Variants in SSBP2 observed in about 807,000 individuals in gnomAD.
The protein encoded by SSBP2 is single stranded DNA binding protein 2.
Under a neutral mutation model 61.8 loss-of-function variants are expected in SSBP2, and 17 were observed. That is an observed-to-expected ratio of 0.28 (90% CI 0.19 to 0.41). SSBP2 has a LOEUF of 0.41. Among genes scored for constraint, SSBP2 ranks in the 10% least tolerant of loss-of-function variants. The probability of loss-of-function intolerance (pLI) is 1.00; values close to 1 mark genes in which losing one functional copy is unlikely to be tolerated. For synonymous variants in SSBP2, 139 were observed against 141.3 expected (o/e 0.98, Z 0.12); for missense variants, 310 against 458.7 (o/e 0.68, Z 2.96).
At chr5:81,565,074 C>G (rs1773321988) in intron 4 of SSBP2, among the ~76,000 whole-genome samples, 1 of 152,190 alleles carries the variant, frequency 6.6e-6, no homozygotes, top group South Asian at 2.1e-4. Context: ...TTTATTTCTT[C>G]CTCTCAACAT....
At chr5:81,523,622 T>G (rs1347143906) in intron 4 of SSBP2, among the ~76,000 whole-genome samples, 3 of 152,060 alleles carry the variant, frequency 2.0e-5, no homozygotes, top group Non-Finnish European at 4.4e-5. Flanking sequence ...CATTGAGATA[T>G]TTTAGCATTC....
chr5:81,463,677 G>A (rs2154004081), intron 9 of SSBP2, among the ~76,000 whole-genome samples: 1 of 152,098 alleles, frequency 6.6e-6, no homozygotes, highest in Admixed American at 6.5e-5. Flanking sequence ...TCCAACCTGG[G>A]TGCAGAAGTC....
At chr5:81,725,856 CTGATAATTGT>C (rs1755847338) in intron 1 of SSBP2, among the ~76,000 whole-genome samples, 1 of 152,050 alleles carries the variant, frequency 6.6e-6, no homozygotes, top group Non-Finnish European at 1.5e-5. Context: ...CAGCTCTGAG[CTGATAATTGT>C]TGATGCTGGA....
chr5:81,541,173 A>G (rs1324816480), intron 4 of SSBP2, among the ~76,000 whole-genome samples: 1 of 152,168 alleles, frequency 6.6e-6, no homozygotes, highest in Non-Finnish European at 1.5e-5. Context: ...TACTATAGCC[A>G]CAGGAAAAAA....
intron 15 of SSBP2, among the ~76,000 whole-genome samples, chr5:81,435,392 TAAG>T (rs1762611925): frequency 1.3e-5 from 2 of 152,178 alleles, no homozygotes; most frequent in Non-Finnish European, 2.9e-5. Flanking sequence ...TGTTTGTTGT[TAAG>T]AAGACTTTTC....
At position 81,493,309 on chromosome 5, in the gene SSBP2, G is replaced by T. The variant is rs900728791; in HGVS notation, c.373-4000C>A. Among the ~76,000 whole-genome samples the T allele has an allele frequency of 2.7e-5, 4 of 149,274 alleles. 1 individual carries two copies. Among genetic ancestry groups the T allele is most frequent in the African/African-American group, 7.4e-5 (3 of 40,474 alleles). The stretch of plus-strand genomic sequence containing the variant: ...AGATAGATAGATAGATAGATTAACA[G>T]GGTCTTGCTCCATTGTCCAGGCTGG... On this transcript the variant is annotated intron_variant, in intron 5 of 16. Transcript: ENST00000320672.
At chr5:81,525,674 G>A (rs1208095348) in intron 4 of SSBP2, among the ~76,000 whole-genome samples, 1 of 151,858 alleles carries the variant, frequency 6.6e-6, no homozygotes, top group Non-Finnish European at 1.5e-5. Flanking sequence ...TTTCCTACCT[G>A]TAAAGCATTC....
At chr5:81,441,194 C>T (rs1424680468) in intron 13 of SSBP2, among the ~76,000 whole-genome samples, 1 of 152,220 alleles carries the variant, frequency 6.6e-6, no homozygotes, top group Non-Finnish European at 1.5e-5. Context: ...CATGTCACTT[C>T]AATGACACTC....
At chr5:81,680,731 G>A (rs1007458378) in intron 1 of SSBP2, among the ~76,000 whole-genome samples, 5 of 152,152 alleles carry the variant, frequency 3.3e-5, no homozygotes, top group African/African-American at 4.8e-5. Context: ...ACTTTAATGC[G>A]TATGCACTTA....
At chr5:81,557,850 A>C (rs1772725648) in intron 4 of SSBP2, among the ~76,000 whole-genome samples, 3 of 152,104 alleles carry the variant, frequency 2.0e-5, no homozygotes, top group Non-Finnish European at 4.4e-5. Context: ...TATGGATCAT[A>C]TTTTCCTGCT....
chr5:81,688,940 A>G (rs1030258946), intron 1 of SSBP2, among the ~76,000 whole-genome samples: 1 of 152,144 alleles, frequency 6.6e-6, no homozygotes, highest in Admixed American at 6.5e-5. Context: ...AGAATTTAAA[A>G]TAGCTGTTTT....
rs17299401 is a variant in SSBP2 at position 81,728,755 on chromosome 5, G to A, written c.62+22226C>T. Among the ~76,000 whole-genome samples the A allele has an allele frequency of 6.5e-3, 997 of 152,264 alleles. 5 individuals are homozygous for A. Among genetic ancestry groups the A allele is most frequent in the Non-Finnish European group, 0.011 (758 of 68,026 alleles). On this transcript the variant is annotated intron_variant, in intron 1 of 16. Coordinates refer to ENST00000320672, the MANE Select transcript of SSBP2 (RefSeq NM_012446.5). ...TCATTTTAAAATATTAAAGCTCCAA[G>A]CATGAATTAACTTGCGCAAATGTCC...
chr5:81,485,747 G>A (rs1213361484), intron 6 of SSBP2, among the ~76,000 whole-genome samples: 1 of 152,142 alleles, frequency 6.6e-6, no homozygotes, highest in East Asian at 1.9e-4. Context: ...CTGGGCTCAG[G>A]CGATTCTCCT....
intron 4 of SSBP2, among the ~76,000 whole-genome samples, chr5:81,591,297 C>T (rs1425420611): frequency 1.3e-5 from 2 of 152,052 alleles, no homozygotes; most frequent in South Asian, 2.1e-4. Context: ...ATTAAAGAAC[C>T]GGAAAAAGAG....
chr5:81,736,001 G>A (rs530266332), intron 1 of SSBP2, among the ~76,000 whole-genome samples: 6 of 152,112 alleles, frequency 3.9e-5, no homozygotes, highest in Non-Finnish European at 8.8e-5. Flanking sequence ...AAACAAACTC[G>A]GATCAAGTCG....
intron 4 of SSBP2, among the ~76,000 whole-genome samples, chr5:81,595,133 A>T (rs1743579231): frequency 2.0e-5 from 3 of 152,184 alleles, no homozygotes; most frequent in African/African-American, 7.2e-5. Context: ...AATCAAATAG[A>T]CGCAATAAAA....
chr5:81,431,418 A>G (rs1251021241), intron 15 of SSBP2, among the ~76,000 whole-genome samples: 1 of 152,140 alleles, frequency 6.6e-6, no homozygotes, highest in Non-Finnish European at 1.5e-5. Flanking sequence ...CAAGTTGGAA[A>G]TTCTCTTAAG....
intron 1 of SSBP2, among the ~76,000 whole-genome samples, chr5:81,700,233 G>A (rs1753886299): frequency 6.6e-6 from 1 of 152,092 alleles, no homozygotes; most frequent in South Asian, 2.1e-4. Flanking sequence ...TAGTAGGCAG[G>A]GAAACAATAT....
intron 8 of SSBP2, among the ~76,000 whole-genome samples, chr5:81,470,104 A>G (rs1442007078): frequency 6.6e-6 from 1 of 151,726 alleles, no homozygotes; most frequent in African/African-American, 2.4e-5. Flanking sequence ...TTGCCACCTC[A>G]CCATTTTTCC....
Sources: allele counts gnomAD v4.1 joint callset (sites outside exome capture counted in the v4.1 genomes callset), GRCh38; gene constraint gnomAD v4.1.1; transcripts MANE v1.5; gene names NCBI Gene and HGNC (gene_info 2026-07-23, HGNC 2026-07-21).